Variants in SHISA6 observed in about 807,000 individuals in gnomAD.
The protein encoded by SHISA6 is shisa family member 6, also known as protein shisa-6.
SHISA6 carries 22 observed loss-of-function variants against 47.9 expected under a neutral mutation model. The observed-to-expected ratio is 0.46, with a 90% CI of 0.33 to 0.66. The LOEUF is 0.66. Ranked by LOEUF, SHISA6 falls within the 30% of genes least tolerant of loss-of-function variation. The pLI is 0.02. For synonymous variants in SHISA6, 388 were observed against 337.8 expected (o/e 1.15, Z -1.63); for missense variants, 680 against 764.6 (o/e 0.89, Z 1.30).
intron 3 of SHISA6, among the ~76,000 whole-genome samples, chr17:11,507,476 T>C (rs1215547838): frequency 6.6e-6 from 1 of 152,226 alleles, no homozygotes; most frequent in African/African-American, 2.4e-5. Flanking sequence ...TCAGTCTGCA[T>C]TGCCTTGGGC....
intron 3 of SHISA6, among the ~76,000 whole-genome samples, chr17:11,422,094 G>A (rs1271283760): frequency 2.6e-5 from 4 of 152,034 alleles, no homozygotes; most frequent in African/African-American, 4.8e-5. Flanking sequence ...TAGCCTCTCC[G>A]GCAGCCACCT....
At chr17:11,376,557 C>G (rs985525611) in intron 2 of SHISA6, among the ~76,000 whole-genome samples, 1 of 152,050 alleles carries the variant, frequency 6.6e-6, no homozygotes, top group East Asian at 1.9e-4. Context: ...ATCTCCTGAC[C>G]TCATGATCCA....
intron 3 of SHISA6, among the ~76,000 whole-genome samples, chr17:11,417,896 G>C (rs1261530330): frequency 6.6e-6 from 1 of 152,198 alleles, no homozygotes. Context: ...GTTTTAAAGG[G>C]AAGTTGATAA....
intron 2 of SHISA6, among the ~76,000 whole-genome samples, chr17:11,329,553 A>G (rs548095541): frequency 6.6e-5 from 10 of 152,054 alleles, no homozygotes; most frequent in Non-Finnish European, 1.2e-4. Flanking sequence ...GGGTGAAGAG[A>G]TGGGTGGCGG....
intron 3 of SHISA6, among the ~76,000 whole-genome samples, chr17:11,423,385 G>C (rs890945541): frequency 6.6e-6 from 1 of 151,446 alleles, no homozygotes; most frequent in Non-Finnish European, 1.5e-5. Flanking sequence ...ATGCCTATCA[G>C]TGCAAGGCAG....
At chr17:11,279,697 G>T (rs192382415) in intron 2 of SHISA6, among the ~76,000 whole-genome samples, 2 of 152,228 alleles carry the variant, frequency 1.3e-5, no homozygotes, top group East Asian at 3.9e-4. Flanking sequence ...GAGCTTATAA[G>T]ATAGGTTCTC....
chr17:11,504,895 C>T (rs2071485804), intron 3 of SHISA6, among the ~76,000 whole-genome samples: 1 of 152,162 alleles, frequency 6.6e-6, no homozygotes, highest in Non-Finnish European at 1.5e-5. Context: ...AAGCACAGCA[C>T]CTGTGTCCCA....
At chr17:11,384,428 C>T (rs73975386) in intron 3 of SHISA6, among the ~76,000 whole-genome samples, 14,669 of 152,288 alleles carry the variant, frequency 0.096, 1,539 homozygotes, top group African/African-American at 0.25. Flanking sequence ...GAAAGCTCAG[C>T]CCCTTCAGAT....
chr17:11,382,342 G>A (rs929252645), intron 3 of SHISA6, among the ~76,000 whole-genome samples: 4 of 152,092 alleles, frequency 2.6e-5, no homozygotes, highest in African/African-American at 7.2e-5. Flanking sequence ...CCCTCCCAAA[G>A]TGCTGAGTTT....
chr17:11,242,001 C>G lies in SHISA6; in HGVS notation c.579C>G (p.Val193=), dbSNP rs1309102730. ...TCGCCTTCGTCATCGTGGCCGGCGT[C>G]TTCGCCAAGGTCTCCTACGACAAGG... ...GVIAFVIVAG[V]FAKVSYDKAH... The change falls in exon 1 of 6, where the codon GTC becomes GTG. Residue 193 remains valine (V), a synonymous_variant. Transcript: ENST00000441885. The G allele has an allele frequency of 6.4e-7, 1 of 1,551,138 alleles. No homozygotes were observed. The highest frequency in any genetic ancestry group is 2.4e-5 in the East Asian group (1 of 40,896).
chr17:11,392,599 G>A (rs1020325593), intron 3 of SHISA6, among the ~76,000 whole-genome samples: 1 of 152,180 alleles, frequency 6.6e-6, no homozygotes, highest in African/African-American at 2.4e-5. Context: ...GAGCCCCTCA[G>A]CAGATATAGC....
At position 11,563,853 on chromosome 17, in the gene SHISA6, GT is replaced by G. The variant is rs2072068000; in HGVS notation, c.*5552del. Reference sequence around the variant, plus strand: ...GTACCTTTCTATCTGTATCTTTGCAGTTTCTTCGTTACTCATATGTAAGCCT... The same window carrying G: ...GTACCTTTCTATCTGTATCTTTGCAGTTCTTCGTTACTCATATGTAAGCCT... On this transcript the variant is annotated 3_prime_UTR_variant, in exon 6 of 6. Coordinates refer to ENST00000441885, the MANE Select transcript of SHISA6 (RefSeq NM_207386.4). 1 of 152,146 alleles carries G rather than the reference GT, an allele frequency of 6.6e-6. No homozygotes were observed. The highest frequency in any genetic ancestry group is 6.5e-5 in the Admixed American group (1 of 15,276). The allele number at this position is 152,146 out of a possible 1,614,324, so 9.4% of individuals were successfully genotyped here.
intron 2 of SHISA6, among the ~76,000 whole-genome samples, chr17:11,307,143 CTT>C (rs56109461): frequency 1.4e-5 from 2 of 145,316 alleles, no homozygotes; most frequent in East Asian, 2.0e-4. Context: ...TGTTTGTTTT[CTT>C]TTTTTTTCTT....
intron 2 of SHISA6, among the ~76,000 whole-genome samples, chr17:11,336,406 A>G (rs1911323136): frequency 1.3e-5 from 2 of 151,576 alleles, no homozygotes; most frequent in Non-Finnish European, 2.9e-5. Context: ...GAGAGAAGAG[A>G]GGGTGGGCAT....
chr17:11,531,984 A>C (rs1307087370), intron 3 of SHISA6, among the ~76,000 whole-genome samples: 1 of 152,250 alleles, frequency 6.6e-6, no homozygotes, highest in Non-Finnish European at 1.5e-5. Flanking sequence ...AATACAAATA[A>C]AATTTGTAAA....
chr17:11,360,298 G>T (rs565280255), intron 2 of SHISA6, among the ~76,000 whole-genome samples: 1 of 152,286 alleles, frequency 6.6e-6, no homozygotes, highest in African/African-American at 2.4e-5. Flanking sequence ...GGTGGCTCAC[G>T]CCTGTAATCC....
At chr17:11,399,404 C>T (rs1012816271) in intron 3 of SHISA6, among the ~76,000 whole-genome samples, 3 of 152,032 alleles carry the variant, frequency 2.0e-5, no homozygotes, top group African/African-American at 7.2e-5. Context: ...ATCCATTGTC[C>T]ATTTTTTAAA....
chr17:11,317,028 G>A (rs1158249253), intron 2 of SHISA6, among the ~76,000 whole-genome samples: 1 of 152,022 alleles, frequency 6.6e-6, no homozygotes, highest in Non-Finnish European at 1.5e-5. Flanking sequence ...TTTCTACATT[G>A]AGAGGCTTAT....
intron 2 of SHISA6, among the ~76,000 whole-genome samples, chr17:11,265,813 T>A (rs1200376346): frequency 1.3e-5 from 2 of 152,180 alleles, no homozygotes; most frequent in African/African-American, 4.8e-5. Flanking sequence ...GATTTGCCCT[T>A]AAATACCCTT....
Sources: gnomAD v4.1 joint callset for allele counts (sites outside exome capture counted in the v4.1 genomes callset) on GRCh38, gnomAD v4.1.1 for gene constraint, MANE v1.5 for transcripts, NCBI Gene and HGNC (gene_info 2026-07-23, HGNC 2026-07-21) for gene names.